The following CADPS variants were observed in gnomAD, a reference collection of about 807,000 sequenced individuals.
CADPS encodes the protein calcium dependent secretion activator, also known as calcium-dependent secretion activator 1.
In CADPS, 57 loss-of-function variants were observed where a neutral mutation model predicts 167.3. The observed-to-expected ratio is 0.34, with a 90% CI of 0.28 to 0.42. CADPS has a LOEUF of 0.42. Ranked by LOEUF, CADPS falls within the 20% of genes least tolerant of loss-of-function variation. The pLI is 1.00. For synonymous variants in CADPS, 676 were observed against 635.3 expected (o/e 1.06, Z -0.96); for missense variants, 1,414 against 1,738.1 (o/e 0.81, Z 3.32).
intron 3 of CADPS, among the ~76,000 whole-genome samples, chr3:62,741,059 C>G (rs941974823): frequency 6.6e-6 from 1 of 152,090 alleles, no homozygotes; most frequent in Non-Finnish European, 1.5e-5. Context: ...ATAACTGATT[C>G]CAGAGAACCA....
At chr3:62,743,499 T>C (rs1403288004) in intron 3 of CADPS, among the ~76,000 whole-genome samples, 1 of 152,212 alleles carries the variant, frequency 6.6e-6, no homozygotes, top group Non-Finnish European at 1.5e-5. Context: ...TGATGTTGTA[T>C]GTTCTTCCTC....
At chr3:62,867,011 T>C (rs2081821384) in intron 1 of CADPS, among the ~76,000 whole-genome samples, 1 of 152,036 alleles carries the variant, frequency 6.6e-6, no homozygotes, top group African/African-American at 2.4e-5. Context: ...TATGCGAGTC[T>C]TACTCTATCT....
intron 3 of CADPS, among the ~76,000 whole-genome samples, chr3:62,733,225 C>T (rs490702): frequency 0.23 from 34,264 of 152,014 alleles, 4,135 homozygotes; most frequent in African/African-American, 0.3. Context: ...ATGCTGGTGT[C>T]GGAGAGAAAA....
intron 28 of CADPS, among the ~76,000 whole-genome samples, chr3:62,407,152 A>G (rs1708806441): frequency 6.6e-6 from 1 of 152,078 alleles, no homozygotes; most frequent in Middle Eastern, 3.2e-3. Context: ...CATCATCATC[A>G]TCATCATCAT....
chr3:62,728,260 T>C (rs1391846602), intron 3 of CADPS, among the ~76,000 whole-genome samples: 2 of 151,804 alleles, frequency 1.3e-5, no homozygotes, highest in Admixed American at 1.3e-4. Flanking sequence ...CCATGTTCTT[T>C]CTACCATCTG....
At chr3:62,698,757 TCAGACAGGGTCTTGC>T (rs2080848312) in intron 3 of CADPS, among the ~76,000 whole-genome samples, 4 of 79,330 alleles carry the variant, frequency 5.0e-5, no homozygotes, top group East Asian at 4.4e-4. Flanking sequence ...TTTTTTTTTT[TCAGACAGGGTCTTGC>T]TTTGTCACCC....
At chr3:62,640,084 T>G (rs2067123560) in intron 6 of CADPS, among the ~76,000 whole-genome samples, 1 of 152,222 alleles carries the variant, frequency 6.6e-6, no homozygotes, top group African/African-American at 2.4e-5. Flanking sequence ...TATTCACAGC[T>G]GTAGCCCCAG....
rs537203980 is a variant in CADPS, at chr3:62,426,080, T to A, written c.3777+12024A>T. Reference sequence around the variant, plus strand: ...GGTAAAGATCCCTGTTGGTGTGGAATGTATCGCTACTTTTCTCTCCGCTGC... The same window carrying A: ...GGTAAAGATCCCTGTTGGTGTGGAAAGTATCGCTACTTTTCTCTCCGCTGC... On this transcript the variant is annotated intron_variant, in intron 28 of 29. Transcript: ENST00000383710. Among the ~76,000 whole-genome samples the A allele has an allele frequency of 3.9e-5, 6 of 152,336 alleles. No homozygotes were observed. The South Asian group carries it at 1.0e-3, about 26-fold the overall frequency.
At chr3:62,823,032 T>G (rs1035179772) in intron 1 of CADPS, among the ~76,000 whole-genome samples, 4 of 152,126 alleles carry the variant, frequency 2.6e-5, no homozygotes, top group Non-Finnish European at 4.4e-5. Context: ...AATGCTTAAG[T>G]TCTGCCACCA....
Position 62,724,110 on chromosome 3 carries a change from C to T in CADPS, c.888+29331G>A, listed in dbSNP as rs373144926. 3.6e-4 allele frequency among the ~76,000 whole-genome samples: 55 copies of T among 152,294 alleles called. 1 individual carries two copies. The highest frequency in any genetic ancestry group is 1.2e-3 in the African/African-American group (49 of 41,570). On this transcript the variant is annotated intron_variant, in intron 3 of 29. Coordinates refer to ENST00000383710, the MANE Select transcript of CADPS (RefSeq NM_003716.4). ...CACTCAGGAAGAATGCTCAGGAGCT[C>T]CTCCAAAACAGGTGCAAAATAGAAA...
At chr3:62,645,223 A>T (rs1350571670) in intron 6 of CADPS, among the ~76,000 whole-genome samples, 2 of 152,202 alleles carry the variant, frequency 1.3e-5, no homozygotes, top group East Asian at 3.9e-4. Flanking sequence ...GGGGTAACGG[A>T]TAACAGACTA....
At chr3:62,658,024 G>A (rs2072149759) in intron 4 of CADPS, among the ~76,000 whole-genome samples, 1 of 152,150 alleles carries the variant, frequency 6.6e-6, no homozygotes, top group Non-Finnish European at 1.5e-5. Flanking sequence ...AACTTCTAGT[G>A]GAGAAAAGAA....
intron 1 of CADPS, among the ~76,000 whole-genome samples, chr3:62,797,725 A>G (rs1434772140): frequency 1.3e-5 from 2 of 152,224 alleles, no homozygotes; most frequent in African/African-American, 4.8e-5. Flanking sequence ...ACTAGGCTTC[A>G]TACCTAGGAG....
chr3:62,408,966 T>TTA (rs2048424083), intron 28 of CADPS, among the ~76,000 whole-genome samples: 8 of 152,250 alleles, frequency 5.3e-5, no homozygotes, highest in Non-Finnish European at 1.2e-4. Context: ...TACACCCATA[T>TTA]GCACTCACGT....
At chr3:62,432,056 C>G (rs919106749) in intron 28 of CADPS, among the ~76,000 whole-genome samples, 7 of 151,948 alleles carry the variant, frequency 4.6e-5, no homozygotes, top group East Asian at 1.9e-4. Context: ...CCCCCACCCC[C>G]CAAAACCCTG....
intron 1 of CADPS, among the ~76,000 whole-genome samples, chr3:62,870,705 C>T (rs1026568685): frequency 2.0e-5 from 3 of 152,126 alleles, no homozygotes; most frequent in African/African-American, 7.2e-5. Flanking sequence ...ACACAATGCT[C>T]ATTTTAAACT....
At chr3:62,516,966 A>C (rs2069142389) in intron 14 of CADPS, among the ~76,000 whole-genome samples, 1 of 152,136 alleles carries the variant, frequency 6.6e-6, no homozygotes, top group Non-Finnish European at 1.5e-5. Context: ...ATATGTTATT[A>C]TCGAGACTGG....
chr3:62,610,891 G>T (rs981142048), intron 6 of CADPS, among the ~76,000 whole-genome samples: 1 of 151,530 alleles, frequency 6.6e-6, no homozygotes, highest in African/African-American at 2.4e-5. Context: ...AGGGGGGTGT[G>T]GGGGGCTGAT....
At chr3:62,822,711 G>A (rs534022174) in intron 1 of CADPS, among the ~76,000 whole-genome samples, 49 of 151,984 alleles carry the variant, frequency 3.2e-4, no homozygotes, top group African/African-American at 1.1e-3. Context: ...GCGTGGTAGC[G>A]CATGCCTGTA....
Sources: allele counts gnomAD v4.1 joint callset (sites outside exome capture counted in the v4.1 genomes callset), GRCh38; gene constraint gnomAD v4.1.1; transcripts MANE v1.5; gene names NCBI Gene and HGNC (gene_info 2026-07-23, HGNC 2026-07-21).